TNKS: variants seen among roughly 807,000 people sequenced by gnomAD.
TNKS encodes tankyrase.
Under a neutral mutation model 135.8 loss-of-function variants are expected in TNKS, and 72 were observed. That is an observed-to-expected ratio of 0.53 (90% confidence interval 0.44 to 0.64). The LOEUF is 0.64. Ranked by LOEUF, TNKS falls within the 30% of genes least tolerant of loss-of-function variation. The pLI is 0.00. For missense variants in TNKS, 1,769 were observed against 1,674.0 expected, an observed-to-expected ratio of 1.06 and a Z score of -0.99; for synonymous variants, 849 against 649.3, an observed-to-expected ratio of 1.31 and a Z score of -4.68.
chr8:9,774,883 T>G (rs1184516464), intron 26 of TNKS, among the ~76,000 whole-genome samples: 1 of 152,166 alleles, frequency 6.6e-6, no homozygotes, highest in Non-Finnish European at 1.5e-5. Context: ...TTATAGATAT[T>G]AAACTTCACT....
chr8:9,750,337 G>A (rs147142885), intron 18 of TNKS, among the ~76,000 whole-genome samples: 2 of 152,266 alleles, frequency 1.3e-5, no homozygotes, highest in East Asian at 3.9e-4. Context: ...CAAATGTTAG[G>A]TGAATACATT....
At chr8:9,729,337 G>C (rs4419813) in intron 13 of TNKS, among the ~76,000 whole-genome samples, 64 of 152,070 alleles carry the variant, frequency 4.2e-4, no homozygotes, top group African/African-American at 1.3e-3. Flanking sequence ...AAATTTTTCA[G>C]GTTCTTAATT....
intron 1 of TNKS, among the ~76,000 whole-genome samples, chr8:9,572,592 A>G (rs531561768): frequency 6.6e-6 from 1 of 152,168 alleles, no homozygotes; most frequent in Non-Finnish European, 1.5e-5. Context: ...TCTCCATGAA[A>G]TATAGTAAAA....
intron 5 of TNKS, among the ~76,000 whole-genome samples, chr8:9,696,155 C>G (rs749125341): frequency 1.3e-5 from 2 of 152,100 alleles, no homozygotes; most frequent in East Asian, 1.9e-4. Flanking sequence ...AGCTACAAGA[C>G]TGCATGAGCT....
chr8:9,654,610 A>G (rs1233355144), intron 3 of TNKS, among the ~76,000 whole-genome samples: 3 of 152,228 alleles, frequency 2.0e-5, no homozygotes, highest in Admixed American at 6.5e-5. Flanking sequence ...CTTTTTCAAA[A>G]GAAAGTCTAT....
Position 9,780,333 on chromosome 8 carries a change from T to G in TNKS, c.*3597T>G, listed in dbSNP as rs1351392550. On this transcript the variant is annotated 3_prime_UTR_variant, in exon 27 of 27. Transcript: ENST00000310430. ...GTGATATCTGTGACAAATAGCCTTCTTCTTGTGTTTTCTGTTGGACTAATT... is the reference window on the plus strand; with the variant it reads ...GTGATATCTGTGACAAATAGCCTTCGTCTTGTGTTTTCTGTTGGACTAATT... 6.6e-6 allele frequency: 1 copy of G among 152,222 alleles called. No individual in the cohort carries two copies. The highest frequency in any genetic ancestry group is 2.4e-5 in the African/African-American group (1 of 41,456). The allele number at this position is 152,222 out of a possible 1,614,324, so 9.4% of individuals were successfully genotyped here.
rs1242136267 is a variant in TNKS, at chr8:9,663,941, GATT to G, written c.995-16007_995-16005del. 5.3e-5 allele frequency among the ~76,000 whole-genome samples: 8 copies of G among 152,066 alleles called. No individual in the cohort carries two copies. In the East Asian group the frequency reaches 1.5e-3, roughly 29 times the overall value. On this transcript the variant is annotated intron_variant, in intron 3 of 26. Coordinates refer to ENST00000310430, the MANE Select transcript of TNKS (RefSeq NM_003747.3). ...TCTGGAGGCTTCACTGTGGCCAATT[GATT>G]ATATCATTCCCTCCCTGGAGATCAG...
At chr8:9,696,955 A>G (rs1803543431) in intron 5 of TNKS, among the ~76,000 whole-genome samples, 1 of 152,198 alleles carries the variant, frequency 6.6e-6, no homozygotes, top group South Asian at 2.1e-4. Flanking sequence ...AAACTATTCT[A>G]AAAATCATAT....
chr8:9,571,415 T>G (rs1413414751), intron 1 of TNKS, among the ~76,000 whole-genome samples: 2 of 152,208 alleles, frequency 1.3e-5, no homozygotes, highest in Non-Finnish European at 2.9e-5. Flanking sequence ...AGGGATGATC[T>G]GCTTATCTTC....
intron 5 of TNKS, among the ~76,000 whole-genome samples, chr8:9,692,268 T>C (rs1376729687): frequency 1.3e-5 from 2 of 152,156 alleles, no homozygotes; most frequent in African/African-American, 4.8e-5. Context: ...ACTGTTTAGC[T>C]CCCTCTTATA....
chr8:9,741,686 G>T (rs770327939), intron 17 of TNKS: 1 of 526,416 alleles, frequency 1.9e-6, no homozygotes, highest in Non-Finnish European at 3.9e-6. Flanking sequence ...TACTCTACGT[G>T]TGTGTCACTC....
chr8:9,668,940 C>T (rs186313363), intron 3 of TNKS, among the ~76,000 whole-genome samples: 101 of 152,030 alleles, frequency 6.6e-4, no homozygotes, highest in Non-Finnish European at 6.2e-4. Flanking sequence ...GGGACTCATA[C>T]ATTTATACTA....
At position 9,556,334 on chromosome 8, in the gene TNKS, C is replaced by G. The variant is rs774407820; in HGVS notation, c.395C>G (p.Ser132Cys). Residue 132 changes from serine (S) to cysteine (C), a missense_variant, in exon 1 of 27, where the codon TCT (serine) becomes TGT (cysteine). Coordinates refer to ENST00000310430, the MANE Select transcript of TNKS (RefSeq NM_003747.3). ...GGCAGTAACAATTCACCGTCGTCCT[C>G]TTCTTCCCCGACTTCTTCCTCATCT... ...GSGSNNSPSS[S>C]SSPTSSSSSS... The G allele has an allele frequency of 1.9e-6, 3 of 1,614,230 alleles. No individual in the cohort carries two copies. Among genetic ancestry groups the G allele is most frequent in the Non-Finnish European group, 8.5e-7 (1 of 1,180,026 alleles).
chr8:9,588,369 G>A (rs537670005), intron 2 of TNKS, among the ~76,000 whole-genome samples: 1 of 151,970 alleles, frequency 6.6e-6, no homozygotes, highest in Non-Finnish European at 1.5e-5. Context: ...CTGCCTCCCA[G>A]GTTCACGCCA....
At chr8:9,732,401 A>C (rs73662510) in intron 14 of TNKS, among the ~76,000 whole-genome samples, 158 of 152,266 alleles carry the variant, frequency 1.0e-3, no homozygotes, top group African/African-American at 3.6e-3. Context: ...AATTACATAC[A>C]AGTGCACAGT....
At chr8:9,763,278 C>G in intron 22 of TNKS, 34 bp downstream of exon 22, 1 of 1,439,454 alleles carries the variant, frequency 6.9e-7, no homozygotes, top group Non-Finnish European at 9.6e-7. Context: ...ATTTGCTTTT[C>G]TTGAAATCTG....
chr8:9,758,516 A>G lies in TNKS; in HGVS notation c.3154-3000A>G, dbSNP rs1585426620. On this transcript the variant is annotated intron_variant, in intron 20 of 26. Coordinates refer to ENST00000310430, the MANE Select transcript of TNKS (RefSeq NM_003747.3). ...CTTATCTACTGCTGTGTAACAAATT[A>G]CCCAAAACTTAATGGCTTAAAATAA... is the stretch of plus-strand genomic sequence containing the variant. Among the ~76,000 whole-genome samples, 11 of 152,346 alleles carry G rather than the reference A, an allele frequency of 7.2e-5. 1 individual carries two copies. In the South Asian group the frequency reaches 2.1e-3, roughly 29 times the overall value.
At chr8:9,583,240 A>T (rs987641641) in intron 2 of TNKS, among the ~76,000 whole-genome samples, 2 of 152,040 alleles carry the variant, frequency 1.3e-5, no homozygotes, top group African/African-American at 4.8e-5. Flanking sequence ...ATTTACCATC[A>T]AAAAGAAGAA....
intron 2 of TNKS, among the ~76,000 whole-genome samples, chr8:9,600,578 G>C (rs543114235): frequency 2.0e-5 from 3 of 152,028 alleles, no homozygotes; most frequent in Non-Finnish European, 4.4e-5. Flanking sequence ...CTCCCAAAAT[G>C]GTAGGATTTC....
Sources: gnomAD v4.1 joint callset for allele counts (sites outside exome capture counted in the v4.1 genomes callset) on GRCh38, gnomAD v4.1.1 for gene constraint, MANE v1.5 for transcripts, NCBI Gene and HGNC (gene_info 2026-07-23, HGNC 2026-07-21) for gene names.